Variants in KTN1 observed in about 807,000 individuals in gnomAD.
The protein encoded by KTN1 is kinectin.
Under a neutral mutation model 222.5 loss-of-function variants are expected in KTN1, and 130 were observed. That is an observed-to-expected ratio of 0.58 (90% CI 0.51 to 0.68). The LOEUF is 0.68. Among genes scored for constraint, KTN1 ranks in the 30% least tolerant of loss-of-function variants. KTN1 has a pLI of 0.00. For missense variants in KTN1, 1,508 were observed against 1,500.4 expected (o/e 1.01, Z -0.08); for synonymous variants, 512 against 496.3 (o/e 1.03, Z -0.42).
rs770792290 is a variant in KTN1 at position 55,612,120 on chromosome 14, C to T, written c.72C>T (p.Phe24=). The T allele has an allele frequency of 1.9e-6, 3 of 1,560,928 alleles. No individual in the cohort carries two copies. The South Asian group carries it at 3.7e-5, about 19-fold the overall frequency. Reference sequence around the variant, plus strand: ...TAGTTATTACAGTAATTTTCCTCTTCTTCTGGCTTTTCATGAAAGAAACAT... The same window carrying T: ...TAGTTATTACAGTAATTTTCCTCTTTTTCTGGCTTTTCATGAAAGAAACAT... ...PSIVITVIFL[F]FWLFMKETLY... The change falls in exon 2 of 44, where the codon TTC becomes TTT. Residue 24 remains phenylalanine (F), a synonymous_variant. Coordinates refer to ENST00000395314, the MANE Select transcript of KTN1 (RefSeq NM_001079521.2).
intron 1 of KTN1, among the ~76,000 whole-genome samples, chr14:55,582,582 C>A (rs1318948664): frequency 6.6e-6 from 1 of 152,044 alleles, no homozygotes; most frequent in African/African-American, 2.4e-5. Context: ...TTGAATGTGT[C>A]TTATACATTT....
At chr14:55,619,425 A>C in intron 5 of KTN1, 113 bp downstream of exon 5, 1 of 949,988 alleles carries the variant, frequency 1.1e-6, no homozygotes, top group South Asian at 1.6e-5. Context: ...ATCTCAGAAC[A>C]TACATCTGGA....
intron 41 of KTN1, among the ~76,000 whole-genome samples, chr14:55,676,161 C>G (rs1361805332): frequency 1.3e-5 from 2 of 152,092 alleles, no homozygotes; most frequent in African/African-American, 4.8e-5. Flanking sequence ...TTATAAAGTA[C>G]AGAGTAAAAT....
Position 55,613,459 on chromosome 14 carries a change from T to G in KTN1, c.523+888T>G, listed in dbSNP as rs2037892220. The stretch of plus-strand genomic sequence containing the variant: ...GACTTGTATGTACCATTAAGTCATT[T>G]GTGTGTCTTAACTTGTAGGAGGTTA... On this transcript the variant is annotated intron_variant, in intron 2 of 43. Transcript: ENST00000395314. Among the ~76,000 whole-genome samples, 2 of 152,050 alleles carry G rather than the reference T, an allele frequency of 1.3e-5. 1 individual carries two copies. Among genetic ancestry groups the G allele is most frequent in the Admixed American group, 1.3e-4 (2 of 15,260 alleles).
chr14:55,680,601 A>C, intron 43 of KTN1: 2 of 666,506 alleles, frequency 3.0e-6, no homozygotes, highest in South Asian at 2.7e-5. Flanking sequence ...GGGCTATACA[A>C]GGCCTCAGGG....
intron 12 of KTN1, among the ~76,000 whole-genome samples, 168 bp downstream of exon 12, chr14:55,638,015 A>AG (rs1334627036): frequency 3.3e-5 from 5 of 151,992 alleles, no homozygotes; most frequent in African/African-American, 1.2e-4. Flanking sequence ...TACGGTGCTG[A>AG]GGGAAAACAC....
chr14:55,619,777 A>G (rs1384412129), intron 5 of KTN1, among the ~76,000 whole-genome samples: 7 of 152,188 alleles, frequency 4.6e-5, no homozygotes, highest in Admixed American at 4.6e-4. Context: ...TATGGGAGCT[A>G]CAATTCAGGA....
At chr14:55,640,689 T>G (rs1408683166) in intron 15 of KTN1, among the ~76,000 whole-genome samples, 1 of 151,988 alleles carries the variant, frequency 6.6e-6, no homozygotes. Context: ...TTTGAGTCTT[T>G]TATTTGAGCC....
At chr14:55,646,391 G>A (rs573655275) in intron 18 of KTN1, among the ~76,000 whole-genome samples, 1 of 151,294 alleles carries the variant, frequency 6.6e-6, no homozygotes, top group South Asian at 2.1e-4. Flanking sequence ...ATGTTTGTCT[G>A]TCTTTCTTTC....
intron 9 of KTN1, among the ~76,000 whole-genome samples, chr14:55,635,015 G>C (rs948673733): frequency 2.0e-5 from 3 of 152,120 alleles, no homozygotes; most frequent in Admixed American, 2.0e-4. Context: ...TTGACACGTG[G>C]AGATTATGGG....
At chr14:55,605,637 CTG>C in intron 1 of KTN1, among the ~76,000 whole-genome samples, 1 of 152,242 alleles carries the variant, frequency 6.6e-6, no homozygotes, top group Non-Finnish European at 1.5e-5. Flanking sequence ...AAGTAAGACT[CTG>C]AGTGAAGGCC....
chr14:55,634,704 C>G, intron 9 of KTN1, 46 bp downstream of exon 9: 1 of 1,525,502 alleles, frequency 6.6e-7, no homozygotes, highest in Non-Finnish European at 8.9e-7. Context: ...ATAATATAGG[C>G]GTATTAGTTC....
intron 43 of KTN1, chr14:55,682,427 T>G (rs2046455155): frequency 6.6e-6 from 1 of 152,198 alleles, no homozygotes; most frequent in African/African-American, 2.4e-5. Context: ...TGTTTCACAT[T>G]TGCCTGGTTT....
chr14:55,657,509 CATTT>C (rs1224725168), intron 29 of KTN1, among the ~76,000 whole-genome samples: 2 of 151,294 alleles, frequency 1.3e-5, no homozygotes, highest in African/African-American at 2.4e-5. Context: ...CTTCTGACTT[CATTT>C]GTGTTTTTCC....
chr14:55,650,564 T>C lies in KTN1; in HGVS notation c.2497-5T>C, dbSNP rs1229977365. On this transcript the variant is annotated splice_polypyrimidine_tract_variant and splice_region_variant and intron_variant, in intron 23 of 43. Coordinates refer to ENST00000395314, the MANE Select transcript of KTN1 (RefSeq NM_001079521.2). ...TCCAATCTTGTCTGTTTTGTCATTG[T>C]CAAGGATTTGAAACAGGAAATAAAG... 16 of 1,609,250 alleles carry C rather than the reference T, an allele frequency of 9.9e-6. No individual in the cohort carries two copies. The highest frequency in any genetic ancestry group is 1.4e-5 in the Non-Finnish European group (16 of 1,175,946).
In KTN1 at chr14:55,675,912, G is replaced by A. The variant is rs756452044; in HGVS notation, c.3849G>A (p.Leu1283=). The change falls in exon 41 of 44, where the codon TTG becomes TTA. Residue 1283 remains leucine (L), a synonymous_variant. Coordinates refer to ENST00000395314, the MANE Select transcript of KTN1 (RefSeq NM_001079521.2). ...AAAGACAGAAGGTAGCTGGTGATTT[G>A]CATAAGGTAGGCACTGTTCGTCCTA... ...QNERQKVAGD[L]HKAQQSLELI... 12 of 1,610,776 alleles carry A rather than the reference G, an allele frequency of 7.4e-6. No individual in the cohort carries two copies. The highest frequency in any genetic ancestry group is 1.0e-5 in the Non-Finnish European group (12 of 1,177,096).
rs754571498 is a variant in KTN1 at position 55,653,546 on chromosome 14, TTC to T, written c.2764-11_2764-10del. 1 of 1,605,254 alleles carries T rather than the reference TTC, an allele frequency of 6.2e-7. No homozygotes were observed. Among genetic ancestry groups the T allele is most frequent in the Non-Finnish European group, 8.5e-7 (1 of 1,173,094 alleles). ...AATGCTAACAGCATTAAAAATATGATTCTGTTTCTCAGGCCTCTTCTGCATCA... is the reference window on the plus strand; with the variant it reads ...AATGCTAACAGCATTAAAAATATGATTGTTTCTCAGGCCTCTTCTGCATCA... On this transcript the variant is annotated splice_polypyrimidine_tract_variant and intron_variant, in intron 27 of 43. Transcript: ENST00000395314.
At chr14:55,616,400 T>A in intron 2 of KTN1, 117 bp from the exon 3 acceptor site, 2 of 848,198 alleles carry the variant, frequency 2.4e-6, no homozygotes, top group Non-Finnish European at 3.6e-6. Flanking sequence ...GAGAGCGTTA[T>A]ATGTCAGACT....
At chr14:55,592,359 T>G (rs1365223062) in intron 1 of KTN1, among the ~76,000 whole-genome samples, 1 of 152,234 alleles carries the variant, frequency 6.6e-6, no homozygotes, top group Non-Finnish European at 1.5e-5. Context: ...TTATAGATGC[T>G]TTGAAATAAT....
Sources: allele counts gnomAD v4.1 joint callset (sites outside exome capture counted in the v4.1 genomes callset), GRCh38; gene constraint gnomAD v4.1.1; transcripts MANE v1.5; gene names NCBI Gene and HGNC (gene_info 2026-07-23, HGNC 2026-07-21).